Variants in MYO7B observed in about 807,000 individuals in gnomAD.
MYO7B encodes the protein myosin VIIB.
In MYO7B, 212 loss-of-function variants were observed where a neutral mutation model predicts 259.7. The ratio of observed to expected loss-of-function variants is 0.82; its 90% CI spans 0.73 to 0.91. MYO7B has a LOEUF of 0.91. Ranked by LOEUF, MYO7B falls within the 40% of genes least tolerant of loss-of-function variation. MYO7B has a pLI of 0.00. For missense variants in MYO7B, 2,732 were observed against 2,813.5 expected (o/e 0.97, Z 0.66); for synonymous variants, 1,197 against 1,166.4 (o/e 1.03, Z -0.54).
chr2:127,578,448 G>A (rs1362091487), intron 9 of MYO7B, among the ~76,000 whole-genome samples, 162 bp downstream of exon 9: 1 of 152,180 alleles, frequency 6.6e-6, no homozygotes, highest in Non-Finnish European at 1.5e-5. Context: ...GAGGCCTCGT[G>A]AGGCAAAGGG....
Position 127,614,487 on chromosome 2 carries a change from C to T in MYO7B, c.3398+1884C>T, listed in dbSNP as rs754973488. Among the ~76,000 whole-genome samples the T allele has an allele frequency of 1.3e-5, 2 of 152,118 alleles. No individual in the cohort carries two copies. Among genetic ancestry groups the T allele is most frequent in the African/African-American group, 4.8e-5 (2 of 41,414 alleles). ...CCCATCAGGATGGGCTCAGAATTCT[C>T]CAGGAACAAGCAGGCGCTAATGTCT... On this transcript the variant is annotated intron_variant, in intron 26 of 47. Transcript: ENST00000409816. The surrounding 1 kb of genome is among the most constrained non-coding windows in gnomAD (Gnocchi z 4.6).
intron 38 of MYO7B, 42 bp downstream of exon 38, chr2:127,631,795 C>T (rs756760180): frequency 6.3e-7 from 1 of 1,596,566 alleles, no homozygotes; most frequent in Admixed American, 1.7e-5. Flanking sequence ...CACCCTCAGT[C>T]CTCATCCCGG....
intron 19 of MYO7B, among the ~76,000 whole-genome samples, chr2:127,596,946 A>G (rs1446462468): frequency 1.3e-5 from 2 of 152,242 alleles, no homozygotes; most frequent in African/African-American, 4.8e-5. Context: ...GGGTACCGCT[A>G]GAGTTGTAAT....
At position 127,559,889 on chromosome 2, in the gene MYO7B, G is replaced by A; in HGVS notation, c.18+149G>A. On this transcript the variant is annotated intron_variant, in intron 2 of 47. Coordinates refer to ENST00000409816, the MANE Select transcript of MYO7B (RefSeq NM_001393586.1). This position sits in a 1 kb window ranked among gnomAD's most constrained non-coding sequence, Gnocchi z 4.1. ...AGTTTAGGAAACACGACAGATTCTA[G>A]CATCTAAAGAAAACAAGTTTGGCCA... is the stretch of plus-strand genomic sequence containing the variant. The A allele has an allele frequency of 1.0e-6, 1 of 959,858 alleles. No homozygotes were observed. The highest frequency in any genetic ancestry group is 1.6e-6 in the Non-Finnish European group (1 of 608,720). The allele number at this position is 959,858 out of a possible 1,614,324, so 59.5% of individuals were successfully genotyped here.
At chr2:127,571,440 G>GTGTTTTTT in intron 6 of MYO7B, among the ~76,000 whole-genome samples, 1 of 19,696 alleles carries the variant, frequency 5.1e-5, no homozygotes, top group Admixed American at 5.9e-4. Context: ...CCTTACCAGT[G>GTGTTTTTT]AGTTTTTTTT....
chr2:127,540,001 G>T (rs562921052), intron 1 of MYO7B, among the ~76,000 whole-genome samples: 12 of 152,282 alleles, frequency 7.9e-5, no homozygotes, highest in Admixed American at 5.9e-4. Flanking sequence ...AGCTGCCCAA[G>T]ACATTATTTC....
rs958621910 is a variant in MYO7B, at chr2:127,623,354, C to T, written c.3798C>T (p.Leu1266=). The change falls in exon 29 of 48, where the codon CTC becomes CTT. Residue 1266 remains leucine (L), a synonymous_variant. Transcript: ENST00000409816. ...QGLSDHLGFS[L]QVAVYDKFWS... is the part of the protein sequence containing the mutation. ...TCAGCGACCACCTGGGCTTCTCCCT[C>T]CAGGTCGCCGTGTACGACAAGGTAC... is the stretch of plus-strand genomic sequence containing the variant. The T allele has an allele frequency of 1.2e-6, 2 of 1,601,280 alleles. No individual in the cohort carries two copies. The highest frequency in any genetic ancestry group is 1.3e-5 in the African/African-American group (1 of 74,718).
intron 15 of MYO7B, among the ~76,000 whole-genome samples, chr2:127,589,740 G>T (rs1166650285): frequency 7.7e-6 from 1 of 130,186 alleles, no homozygotes; most frequent in Non-Finnish European, 1.6e-5. Context: ...GTGGGTTGGT[G>T]AGTGGATGGA....
Position 127,634,260 on chromosome 2 carries a change from T to C in MYO7B, c.5596T>C (p.Cys1866Arg). 2 of 1,587,602 alleles carry C rather than the reference T, an allele frequency of 1.3e-6. No homozygotes were observed. ...GCTGCAGCTGGCCTCCTGGGAGGGCTGCAGCCTCTTCATCAAGATTTCAGA... is the reference window on the plus strand; with the variant it reads ...GCTGCAGCTGGCCTCCTGGGAGGGCCGCAGCCTCTTCATCAAGATTTCAGA... Reference protein sequence around the residue: ...TRLQLASWEGCSLFIKISDKV... With the variant: ...TRLQLASWEGRSLFIKISDKV... The change falls in exon 41 of 48, where the codon TGC becomes CGC. Residue 1866 changes from cysteine to arginine, a missense_variant. Physicochemically the swap from Cys to Arg is radical, Grantham distance 180. Around this residue, in one of 3 missense-constraint regions of MYO7B, gnomAD observed 821 missense variants for 769.3 expected, o/e 1.07. Coordinates refer to ENST00000409816, the MANE Select transcript of MYO7B (RefSeq NM_001393586.1).
chr2:127,608,024 C>T (rs2105027204), intron 21 of MYO7B, among the ~76,000 whole-genome samples: 1 of 152,224 alleles, frequency 6.6e-6, no homozygotes, highest in South Asian at 2.1e-4. Context: ...GTCTGGGGGG[C>T]TGGGAGGACA....
At chr2:127,599,881 A>G (rs926462384) in intron 19 of MYO7B, among the ~76,000 whole-genome samples, 1 of 152,176 alleles carries the variant, frequency 6.6e-6, no homozygotes, top group Non-Finnish European at 1.5e-5. Flanking sequence ...CATAGTGTAT[A>G]ATTCTTTTTT....
chr2:127,634,231 C>G lies in MYO7B; in HGVS notation c.5567C>G (p.Thr1856Ser). 6.3e-7 allele frequency: 1 copy of G among 1,598,252 alleles called. No homozygotes were observed. ...CGGGATGTGTGTGACAGCATTGCCA[C>G]CAGGCTGCAGCTGGCCTCCTGGGAG... Reference protein sequence around the residue: ...RVRDVCDSIATRLQLASWEGC... With the variant: ...RVRDVCDSIASRLQLASWEGC... The change falls in exon 41 of 48, where the codon ACC (threonine) becomes AGC (serine). Residue 1856 changes from threonine (T) to serine (S), a missense_variant. Coordinates refer to ENST00000409816, the MANE Select transcript of MYO7B (RefSeq NM_001393586.1).
chr2:127,571,998 A>G (rs1678653748), intron 6 of MYO7B, among the ~76,000 whole-genome samples: 1 of 152,204 alleles, frequency 6.6e-6, no homozygotes, highest in Non-Finnish European at 1.5e-5. Context: ...CCTAACCCAG[A>G]GATTTTCTCC....
chr2:127,605,904 C>G lies in MYO7B; in HGVS notation c.2400C>G (p.Tyr800Ter). ...CCCTGCAGGCCTGGTGGAGAGGCTA[C>G]TGCAACAGGAGGAATTTCAAGCTGG... ...AVTLQAWWRGYCNRRNFKLIL... is the reference protein window; with the variant it reads ...AVTLQAWWRG Residue 800 changes from tyrosine to a stop codon, truncating the protein, a stop_gained, in exon 20 of 48, where the codon TAC becomes TAG. Coordinates refer to ENST00000409816, the MANE Select transcript of MYO7B (RefSeq NM_001393586.1). LOFTEE classifies it high-confidence loss of function. The G allele has an allele frequency of 6.2e-7, 1 of 1,613,684 alleles. No individual in the cohort carries two copies. The highest frequency in any genetic ancestry group is 8.5e-7 in the Non-Finnish European group (1 of 1,179,852).
At chr2:127,630,673 CCTGACCCCTCCCAAGTCA>C in intron 35 of MYO7B, 87 bp from the exon 36 acceptor site, 1 of 1,526,004 alleles carries the variant, frequency 6.6e-7, no homozygotes, top group Non-Finnish European at 8.9e-7. Flanking sequence ...CAGCCCTGGG[CCTGACCCCTCCCAAGTCA>C]CTGAGGCTGC....
intron 36 of MYO7B, 51 bp from the exon 37 acceptor site, chr2:127,631,155 G>T: frequency 1.3e-6 from 2 of 1,523,586 alleles, no homozygotes; most frequent in Non-Finnish European, 8.8e-7. Context: ...AGAGAAGCGT[G>T]GGACAGAGAA....
intron 38 of MYO7B, 45 bp from the exon 39 acceptor site, chr2:127,632,201 G>A: frequency 1.3e-6 from 2 of 1,583,992 alleles, no homozygotes; most frequent in Non-Finnish European, 8.6e-7. Flanking sequence ...GCCTGGCCAG[G>A]GCCCCCTGAG....
At chr2:127,551,514 C>A (rs927484576) in intron 1 of MYO7B, among the ~76,000 whole-genome samples, 1 of 152,220 alleles carries the variant, frequency 6.6e-6, no homozygotes, top group Non-Finnish European at 1.5e-5. Context: ...TTCCTTCTAC[C>A]TTATTCTATT....
chr2:127,607,384 G>A lies in MYO7B; in HGVS notation c.2603G>A (p.Gly868Asp), dbSNP rs778768323. Residue 868 changes from glycine to aspartate, a missense_variant, in exon 21 of 48, where the codon GGC becomes GAC. By Grantham distance (94) the Gly-to-Asp change is moderately conservative. Around this residue, in one of 3 missense-constraint regions of MYO7B, gnomAD observed 1,906 missense variants for 2,026.4 expected, o/e 0.94. Coordinates refer to ENST00000409816, the MANE Select transcript of MYO7B (RefSeq NM_001393586.1). The surrounding 1 kb of genome is among the most constrained non-coding windows in gnomAD (Gnocchi z 4.4). The part of the protein sequence containing the change: ...AVVVIQAHAR[G>D]MAARRNFQQR... ...GTGGTCATTCAGGCCCATGCCAGGG[G>A]CATGGCTGCCCGGCGCAACTTCCAG... 1.3e-6 allele frequency: 2 copies of A among 1,551,324 alleles called. No homozygotes were observed. The highest frequency in any genetic ancestry group is 1.4e-5 in the African/African-American group (1 of 73,170).
Sources: allele counts gnomAD v4.1 joint callset (sites outside exome capture counted in the v4.1 genomes callset), GRCh38; gene constraint gnomAD v4.1.1; regional missense constraint gnomAD v4.1.1; non-coding constraint Gnocchi (gnomAD v3.1); transcripts MANE v1.5; gene names NCBI Gene and HGNC (gene_info 2026-07-23, HGNC 2026-07-21).